Variants in FMN1 observed in about 807,000 individuals in gnomAD.
FMN1 encodes formin 1.
Under a neutral mutation model 132.4 loss-of-function variants are expected in FMN1, and 110 were observed. That is an observed-to-expected ratio of 0.83 (90% confidence interval 0.71 to 0.97). The LOEUF is 0.97. FMN1 is among the 50% of genes least tolerant of loss of function. FMN1 has a pLI of 0.00. For synonymous variants in FMN1, 722 were observed against 651.7 expected (o/e 1.11, Z -1.64); for missense variants, 1,792 against 1,705.3 (o/e 1.05, Z -0.90).
At chr15:33,109,840 TAAAAA>T (rs66923699) in intron 4 of FMN1, among the ~76,000 whole-genome samples, 1 of 146,644 alleles carries the variant, frequency 6.8e-6, no homozygotes, top group African/African-American at 2.5e-5. Context: ...AAATGAAAGT[TAAAAA>T]AAAAAAATGC....
intron 17 of FMN1, among the ~76,000 whole-genome samples, chr15:32,827,315 G>C (rs2141136235): frequency 6.6e-6 from 1 of 152,302 alleles, no homozygotes; most frequent in South Asian, 2.1e-4. Context: ...AGAGTTTGTG[G>C]CGGTAAGGCC....
chr15:33,164,021 T>C, intron 3 of FMN1, among the ~76,000 whole-genome samples: 1 of 151,976 alleles, frequency 6.6e-6, no homozygotes, highest in East Asian at 1.9e-4. Context: ...AAAAATGGTA[T>C]GAAACATGGG....
At chr15:33,114,566 GAAC>G (rs2039838712) in intron 4 of FMN1, among the ~76,000 whole-genome samples, 1 of 152,106 alleles carries the variant, frequency 6.6e-6, no homozygotes, top group African/African-American at 2.4e-5. Flanking sequence ...GTGTACCCAA[GAAC>G]ACCACGCAAA....
At chr15:32,862,110 A>AG (rs1192334678) in intron 16 of FMN1, among the ~76,000 whole-genome samples, 2 of 152,186 alleles carry the variant, frequency 1.3e-5, no homozygotes, top group African/African-American at 4.8e-5. Flanking sequence ...GGCTTATCCG[A>AG]GATGCTTTCT....
At chr15:33,048,638 A>AAAAAAAAAAC (rs1555388912) in intron 6 of FMN1, among the ~76,000 whole-genome samples, 3 of 21,490 alleles carry the variant, frequency 1.4e-4, no homozygotes, top group African/African-American at 3.7e-4. Flanking sequence ...TACCAAAAAA[A>AAAAAAAAAAC]AAAAAAAAAA....
At chr15:32,860,543 T>A (rs927066834) in intron 16 of FMN1, 5 of 152,140 alleles carry the variant, frequency 3.3e-5, no homozygotes, top group African/African-American at 7.3e-5. Context: ...GTCCCAGGTA[T>A]TCAGAAGGCA....
At chr15:33,124,030 G>T (rs969016159) in intron 4 of FMN1, among the ~76,000 whole-genome samples, 1 of 152,134 alleles carries the variant, frequency 6.6e-6, no homozygotes, top group Non-Finnish European at 1.5e-5. Flanking sequence ...GCAAAGGACT[G>T]GGGAACTACT....
chr15:33,055,811 C>G (rs2037189947), intron 6 of FMN1, among the ~76,000 whole-genome samples: 1 of 152,252 alleles, frequency 6.6e-6, no homozygotes, highest in East Asian at 1.9e-4. Context: ...TCAAAAACCA[C>G]TATTAAGAGA....
At position 32,900,041 on chromosome 15, in the gene FMN1, G is replaced by A. The variant is rs779699448; in HGVS notation, c.3592C>T (p.Arg1198Trp). Residue 1198 changes from arginine to tryptophan, a missense_variant, in exon 14 of 21, where the codon CGG becomes TGG. By Grantham distance (101) the Arg-to-Trp change is moderately radical. Coordinates refer to ENST00000616417, the MANE Select transcript of FMN1 (RefSeq NM_001277313.2). ...GNYMNGGNRT[R>W]GQADGYSLEI... is the part of the protein sequence containing the mutation. Reference sequence around the variant, plus strand: ...AAGCTATATCCATCGGCTTGTCCCCGAGTCCTATTTCCTCCATTCATATAA... The same window carrying A: ...AAGCTATATCCATCGGCTTGTCCCCAAGTCCTATTTCCTCCATTCATATAA... The A allele has an allele frequency of 1.2e-5, 20 of 1,612,906 alleles. No individual in the cohort carries two copies. Among genetic ancestry groups the A allele is most frequent in the Admixed American group, 5.0e-5 (3 of 59,950 alleles).
At chr15:32,821,449 C>CTTTTTTT (rs34336647) in intron 17 of FMN1, among the ~76,000 whole-genome samples, 32 of 110,814 alleles carry the variant, frequency 2.9e-4, no homozygotes, top group East Asian at 1.4e-3. Flanking sequence ...ATATTTAAAT[C>CTTTTTTT]TTTTTTTTTT....
chr15:32,978,468 A>G (rs1183888744), intron 7 of FMN1, among the ~76,000 whole-genome samples: 2 of 152,226 alleles, frequency 1.3e-5, no homozygotes, highest in Non-Finnish European at 2.9e-5. Context: ...ATTTTTCCAA[A>G]AAGTAGTTCT....
rs753592359 is a variant in FMN1 at position 32,929,441 on chromosome 15, T to C, written c.3139-3180A>G. Among the ~76,000 whole-genome samples the C allele has an allele frequency of 2.7e-4, 41 of 152,332 alleles. 1 individual carries two copies. Among genetic ancestry groups the C allele is most frequent in the South Asian group, 6.2e-4 (3 of 4,828 alleles). ...AATTTCTCTTTATTTTTATGAAAAG[T>C]GCACAACATGAAATGTATCCTATTA... On this transcript the variant is annotated intron_variant, in intron 9 of 20. Coordinates refer to ENST00000616417, the MANE Select transcript of FMN1 (RefSeq NM_001277313.2).
At chr15:33,114,284 G>A (rs1041291834) in intron 4 of FMN1, among the ~76,000 whole-genome samples, 2 of 152,222 alleles carry the variant, frequency 1.3e-5, no homozygotes, top group African/African-American at 2.4e-5. Flanking sequence ...GAATGAAGCA[G>A]CTCAGGACTC....
intron 17 of FMN1, among the ~76,000 whole-genome samples, chr15:32,852,352 ATG>A (rs1225929752): frequency 6.6e-6 from 1 of 152,118 alleles, no homozygotes; most frequent in Non-Finnish European, 1.5e-5. Context: ...GTTTACAATT[ATG>A]TCTTTTCCTT....
In FMN1 at chr15:33,088,932, T is replaced by C. The variant is rs1281969723; in HGVS notation, c.1910A>G (p.Gln637Arg). The change falls in exon 5 of 21, where the codon CAG becomes CGG. Residue 637 changes from glutamine to arginine, a missense_variant. Gln to Arg is a conservative substitution (Grantham distance 43). Around this residue, in one of 3 missense-constraint regions of FMN1, gnomAD observed 1,150 missense variants for 1,043.1 expected, o/e 1.10. Transcript: ENST00000616417. ...EGFPWDGFNE[Q>R]TPKDLPNRDG... The stretch of plus-strand genomic sequence containing the variant: ...TCTGTTGGGAAGGTCTTTAGGTGTC[T>C]GCTCATTGAAGCCGTCCCAGGGAAA... 3.3e-6 allele frequency: 5 copies of C among 1,535,954 alleles called. No homozygotes were observed. In the African/African-American group the frequency reaches 6.8e-5, roughly 21 times the overall value.
intron 6 of FMN1, among the ~76,000 whole-genome samples, chr15:33,026,286 A>G (rs1049258892): frequency 2.6e-5 from 4 of 152,152 alleles, no homozygotes; most frequent in African/African-American, 9.7e-5. Context: ...AAAAATCTAA[A>G]GAAAATATGA....
At chr15:33,147,827 T>C (rs916919581) in intron 4 of FMN1, among the ~76,000 whole-genome samples, 2 of 152,244 alleles carry the variant, frequency 1.3e-5, no homozygotes, top group African/African-American at 4.8e-5. Context: ...TTGAGATCAT[T>C]GGAAAAGGCA....
At chr15:33,184,653 G>A (rs1236579157) in intron 2 of FMN1, among the ~76,000 whole-genome samples, 7 of 151,998 alleles carry the variant, frequency 4.6e-5, no homozygotes, top group Admixed American at 1.3e-4. Flanking sequence ...ACAGGCGGGC[G>A]CCACCACACT....
intron 5 of FMN1, among the ~76,000 whole-genome samples, chr15:33,084,456 T>C (rs2141340323): frequency 6.6e-6 from 1 of 152,252 alleles, no homozygotes; most frequent in Admixed American, 6.5e-5. Context: ...TGTGGCAGTT[T>C]TGTGGGACCG....
Sources: gnomAD v4.1 joint callset for allele counts (sites outside exome capture counted in the v4.1 genomes callset) on GRCh38, gnomAD v4.1.1 for gene constraint, gnomAD v4.1.1 regional missense constraint, MANE v1.5 for transcripts, NCBI Gene and HGNC (gene_info 2026-07-23, HGNC 2026-07-21) for gene names.